The following XPO5 variants were observed in gnomAD, a reference collection of about 807,000 sequenced individuals.
XPO5 encodes the protein exportin 5.
Under a neutral mutation model 160.6 loss-of-function variants are expected in XPO5, and 46 were observed. That is an observed-to-expected ratio of 0.29 (90% CI 0.23 to 0.37). The LOEUF (loss-of-function observed/expected upper bound fraction) is 0.37, where lower values mean the gene tolerates loss of function less well. Among genes scored for constraint, XPO5 ranks in the 10% least tolerant of loss-of-function variants. The probability of loss-of-function intolerance (pLI) is 1.00; values close to 1 mark genes in which losing one functional copy is unlikely to be tolerated. For synonymous variants in XPO5, 537 were observed against 519.3 expected, an observed-to-expected ratio of 1.03 and a Z score of -0.46; for missense variants, 1,090 against 1,463.9, an observed-to-expected ratio of 0.74 and a Z score of 4.17.
chr6:43,537,895 T>C (rs1367239240), intron 20 of XPO5, among the ~76,000 whole-genome samples: 2 of 151,728 alleles, frequency 1.3e-5, no homozygotes, highest in Non-Finnish European at 2.9e-5. Flanking sequence ...GGCAAAACCC[T>C]GTATCTACTA....
At chr6:43,551,669 C>T (rs533845563) in intron 14 of XPO5, among the ~76,000 whole-genome samples, 2 of 152,214 alleles carry the variant, frequency 1.3e-5, no homozygotes, top group Non-Finnish European at 2.9e-5. Flanking sequence ...GGACTACAGG[C>T]GGGCACCACC....
At position 43,538,994 on chromosome 6, in the gene XPO5, G is replaced by A. The variant is rs1337065638; in HGVS notation, c.2343-4987C>T. 15 of 1,507,964 alleles carry A rather than the reference G, an allele frequency of 9.9e-6. 1 individual carries two copies. The highest frequency in any genetic ancestry group is 2.2e-5 in the East Asian group (1 of 44,484). 93.4% of individuals were successfully genotyped at this position (1,507,964 alleles called of 1,614,324 possible). A position where few individuals can be genotyped will look rare whatever the true frequency, so the allele number is the denominator to read the frequency against. On this transcript the variant is annotated intron_variant, in intron 20 of 31. Transcript: ENST00000265351. ...AGAAATGGCATCAAAGGTGGCCTTG[G>A]CGAAGTTGCCCAGGGTGGCAGTGCA...
At chr6:43,541,695 C>A (rs1006180847) in intron 20 of XPO5, among the ~76,000 whole-genome samples, 38 of 152,188 alleles carry the variant, frequency 2.5e-4, no homozygotes, top group African/African-American at 8.2e-4. Context: ...TGGCTTCTTT[C>A]ACTTAGCATA....
Position 43,567,362 on chromosome 6 carries a change from A to G in XPO5, c.649-8T>C, listed in dbSNP as rs777959708. 3.0e-5 allele frequency: 48 copies of G among 1,595,898 alleles called. No homozygotes were observed. In the East Asian group the frequency reaches 1.0e-3, roughly 34 times the overall value. ...TCGACAGTTTGCTTGCGCCTACCAGAAAAGAAGTAACTTTGGACCATGAAG... is the reference window on the plus strand; with the variant it reads ...TCGACAGTTTGCTTGCGCCTACCAGGAAAGAAGTAACTTTGGACCATGAAG... On this transcript the variant is annotated splice_region_variant and splice_polypyrimidine_tract_variant and intron_variant, in intron 6 of 31. Coordinates refer to ENST00000265351, the MANE Select transcript of XPO5 (RefSeq NM_020750.3).
At chr6:43,560,370 C>A in intron 10 of XPO5, 67 bp from the exon 11 acceptor site, 1 of 1,481,228 alleles carries the variant, frequency 6.8e-7, no homozygotes, top group Non-Finnish European at 9.0e-7. Flanking sequence ...TATTACTTAG[C>A]AGTTATCAAC....
At position 43,551,427 on chromosome 6, in the gene XPO5, C is replaced by A; in HGVS notation, c.1599G>T (p.Glu533Asp). The A allele has an allele frequency of 6.2e-7, 1 of 1,613,620 alleles. No homozygotes were observed. The highest frequency in any genetic ancestry group is 8.5e-7 in the Non-Finnish European group (1 of 1,179,790). Residue 533 changes from glutamate (E) to aspartate (D), a missense_variant, in exon 15 of 32, where the codon GAG becomes GAT. Physicochemically the swap from Glu to Asp is conservative, Grantham distance 45 (BLOSUM62 2). Around this residue, in one of 3 missense-constraint regions of XPO5, gnomAD observed 810 missense variants for 1,139.0 expected, o/e 0.71. Transcript: ENST00000265351. ...REEIPVNDGI[E>D]LLQMVLNFDT... Reference sequence around the variant, plus strand: ...CAAAGTTCAGAACCATCTGCAATAGCTCTATTCCATCATTAACAGGAATTT... The same window carrying A: ...CAAAGTTCAGAACCATCTGCAATAGATCTATTCCATCATTAACAGGAATTT...
rs1793316951 is a variant in XPO5 at position 43,523,369 on chromosome 6, C to G, written c.*499G>C. The G allele has an allele frequency of 3.3e-6, 1 of 301,268 alleles. No homozygotes were observed. The highest frequency in any genetic ancestry group is 4.7e-5 in the Admixed American group (1 of 21,338). 18.7% of individuals were successfully genotyped at this position (301,268 alleles called of 1,614,324 possible). A position where few individuals can be genotyped will look rare whatever the true frequency, so the allele number is the denominator to read the frequency against. On this transcript the variant is annotated 3_prime_UTR_variant, in exon 32 of 32. Transcript: ENST00000265351. ...ACTTAGCACCTAACCCAGACATGCC[C>G]CTTAGGGAGTGGGGAAAGTTTCCTG...
At chr6:43,575,617 G>T (rs1171605252) in intron 1 of XPO5, 143 bp downstream of exon 1, 1 of 680,906 alleles carries the variant, frequency 1.5e-6, no homozygotes, top group East Asian at 3.0e-5. Flanking sequence ...GCGGAGGGCC[G>T]CGAGGGGAAG....
intron 1 of XPO5, among the ~76,000 whole-genome samples, chr6:43,575,461 T>C (rs1763261917): frequency 6.6e-6 from 1 of 152,126 alleles, no homozygotes; most frequent in Admixed American, 6.6e-5. Context: ...GAGGGTCATG[T>C]TGCGGACAAG....
rs778473256 is a variant in XPO5 at position 43,524,878 on chromosome 6, A to G, written c.3265T>C (p.Cys1089Arg). ...GLQMHGQHDG[C>R]MASLVHLAFQ... is the part of the protein sequence containing the mutation. ...GCCAGATGGACCAGGGAAGCCATGC[A>G]CCCGTCGTGCTGCCCGTGCATCTGT... The change falls in exon 30 of 32, where the codon TGC becomes CGC. Residue 1089 changes from cysteine to arginine, a missense_variant. By Grantham distance (180) the Cys-to-Arg change is radical. This residue lies in a region of XPO5 where 810 missense variants were observed against 1,139.0 expected (regional missense o/e 0.71). Transcript: ENST00000265351. 6.2e-7 allele frequency: 1 copy of G among 1,613,914 alleles called. No homozygotes were observed.
At chr6:43,570,259 C>T (rs1188533152) in intron 5 of XPO5, among the ~76,000 whole-genome samples, 1 of 143,482 alleles carries the variant, frequency 7.0e-6, no homozygotes, top group Non-Finnish European at 1.5e-5. Flanking sequence ...TTGCAGTGAG[C>T]CGGGATCACA....
chr6:43,567,138 G>A (rs779466549), intron 7 of XPO5, 31 bp downstream of exon 7: 2 of 1,586,220 alleles, frequency 1.3e-6, no homozygotes, highest in East Asian at 2.2e-5. Context: ...TTCAGAGACT[G>A]AGGATAAGTC....
chr6:43,553,312 GAGAAA>G (rs746460482), intron 14 of XPO5, 56 bp downstream of exon 14: 26 of 1,544,916 alleles, frequency 1.7e-5, no homozygotes, highest in African/African-American at 4.1e-5. Context: ...AAAATAGAAA[GAGAAA>G]AGAAAAGAAA....
rs1405368588 is a variant in XPO5 at position 43,575,909 on chromosome 6, A to C, written c.-45T>G. 2 of 1,587,198 alleles carry C rather than the reference A, an allele frequency of 1.3e-6. No individual in the cohort carries two copies. The highest frequency in any genetic ancestry group is 1.7e-6 in the Non-Finnish European group (2 of 1,160,300). ...GAGCGCACACCACTGCAGTCCCGGG[A>C]CCACGAGGCACGACAGCTCCCTCGG... On this transcript the variant is annotated 5_prime_UTR_variant, in exon 1 of 32. Transcript: ENST00000265351.
chr6:43,528,069 G>T lies in XPO5; in HGVS notation c.2822+90C>A, dbSNP rs982028191. The T allele has an allele frequency of 8.4e-6, 11 of 1,315,998 alleles. No individual in the cohort carries two copies. The South Asian group carries it at 1.1e-4, about 14-fold the overall frequency. 81.5% of individuals were successfully genotyped at this position (1,315,998 alleles called of 1,614,324 possible). ...CTACAACCTACTGCTCTTCTACCCT[G>T]GGACAGCAGAATCCCTGCCCGCTTC... On this transcript the variant is annotated intron_variant, in intron 25 of 31. Transcript: ENST00000265351.
At chr6:43,525,714 A>G (rs1793541385) in intron 28 of XPO5, 125 bp downstream of exon 28, 2 of 1,029,186 alleles carry the variant, frequency 1.9e-6, no homozygotes, top group East Asian at 5.3e-5. Flanking sequence ...GGCCTTTGGA[A>G]CCAGGAACTT....
chr6:43,528,263 T>C, intron 24 of XPO5, 58 bp from the exon 25 acceptor site: 1 of 1,514,600 alleles, frequency 6.6e-7, no homozygotes, highest in South Asian at 1.2e-5. Context: ...GAACACATAA[T>C]ATCTAAAGTC....
intron 20 of XPO5, among the ~76,000 whole-genome samples, chr6:43,543,581 A>G (rs1469967692): frequency 6.6e-6 from 1 of 151,670 alleles, no homozygotes; most frequent in Non-Finnish European, 1.5e-5. Context: ...TGATTACATG[A>G]ATGTGTCCAC....
chr6:43,562,046 T>C (rs1762444629), intron 9 of XPO5: 1 of 440,148 alleles, frequency 2.3e-6, no homozygotes, highest in Non-Finnish European at 4.0e-6. Context: ...GGTATAACTA[T>C]TTTATTGTTA....
Sources: allele counts gnomAD v4.1 joint callset (sites outside exome capture counted in the v4.1 genomes callset), GRCh38; gene constraint gnomAD v4.1.1; regional missense constraint gnomAD v4.1.1; transcripts MANE v1.5; gene names NCBI Gene and HGNC (gene_info 2026-07-23, HGNC 2026-07-21).